The following RABGAP1L variants were observed in gnomAD, a reference collection of about 807,000 sequenced individuals.
RABGAP1L encodes rab GTPase-activating protein 1-like.
In RABGAP1L, 63 loss-of-function variants were observed where a neutral mutation model predicts 137.7. The observed-to-expected ratio is 0.46, with a 90% CI of 0.37 to 0.56. The LOEUF is 0.56. Among genes scored for constraint, RABGAP1L ranks in the 20% least tolerant of loss-of-function variants. RABGAP1L has a pLI of 0.00. For missense variants in RABGAP1L, 1,095 were observed against 1,244.0 expected (o/e 0.88, Z 1.80); for synonymous variants, 431 against 433.7 (o/e 0.99, Z 0.08).
At chr1:174,356,632 T>G (rs1683660543) in intron 11 of RABGAP1L, among the ~76,000 whole-genome samples, 1 of 152,108 alleles carries the variant, frequency 6.6e-6, no homozygotes, top group African/African-American at 2.4e-5. Flanking sequence ...TGAAATTATT[T>G]TGATTGAAGT....
intron 13 of RABGAP1L, among the ~76,000 whole-genome samples, chr1:174,572,407 C>T (rs756941439): frequency 9.3e-5 from 14 of 149,878 alleles, no homozygotes; most frequent in African/African-American, 2.9e-4. Context: ...TTTGTTTTGA[C>T]GGAGTCTTGC....
rs565709443 is a variant in RABGAP1L, at chr1:174,558,351, T to C, written c.1711-79024T>C. 2.0e-4 allele frequency among the ~76,000 whole-genome samples: 30 copies of C among 152,370 alleles called. No homozygotes were observed. In the South Asian group the frequency reaches 2.7e-3, roughly 14 times the overall value. On this transcript the variant is annotated intron_variant, in intron 13 of 25. Transcript: ENST00000681986. ...TCTTTGTGCTGTTTTATAGCTTTAC[T>C]GCCAGAGTAAGTTATAATTGCCATT...
intron 11 of RABGAP1L, among the ~76,000 whole-genome samples, chr1:174,358,074 G>A (rs1391411384): frequency 2.6e-5 from 4 of 152,068 alleles, no homozygotes; most frequent in Admixed American, 6.5e-5. Flanking sequence ...AATCTAGGCC[G>A]TTTGGCTTTG....
At chr1:174,322,826 C>T (rs1323983342) in intron 11 of RABGAP1L, among the ~76,000 whole-genome samples, 1 of 152,106 alleles carries the variant, frequency 6.6e-6, no homozygotes, top group Non-Finnish European at 1.5e-5. Context: ...AAGCTGTGCA[C>T]ATTATTTTCT....
chr1:174,780,104 A>AATT (rs1558070554), intron 18 of RABGAP1L, among the ~76,000 whole-genome samples: 8 of 75,386 alleles, frequency 1.1e-4, no homozygotes, highest in African/African-American at 2.0e-4. Flanking sequence ...ATAAATAAAT[A>AATT]AATAAATAAA....
At chr1:174,642,766 T>TCTCCCCCTCTTCCCCTCTCC (rs1557941734) in intron 14 of RABGAP1L, among the ~76,000 whole-genome samples, 2 of 115,462 alleles carry the variant, frequency 1.7e-5, no homozygotes, top group Admixed American at 9.7e-5. Context: ...TTCCCCTCTC[T>TCTCCCCCTCTTCCCCTCTCC]CCCTCTCCCC....
At chr1:174,955,078 G>T (rs762822919) in intron 19 of RABGAP1L, among the ~76,000 whole-genome samples, 3 of 152,172 alleles carry the variant, frequency 2.0e-5, no homozygotes, top group Non-Finnish European at 4.4e-5. Context: ...TACACAGTTG[G>T]CAGGTGGTGC....
chr1:174,626,522 A>C (rs75306743), intron 13 of RABGAP1L, among the ~76,000 whole-genome samples: 2 of 152,152 alleles, frequency 1.3e-5, no homozygotes, highest in East Asian at 3.9e-4. Flanking sequence ...AATATGGCTT[A>C]TATTTTTGAC....
At chr1:174,686,830 GT>G (rs551963914) in intron 15 of RABGAP1L, among the ~76,000 whole-genome samples, 7 of 148,256 alleles carry the variant, frequency 4.7e-5, no homozygotes, top group African/African-American at 1.7e-4. Context: ...GCTAATTTTA[GT>G]TTTTTTTTCA....
rs374078802 is a variant in RABGAP1L, at chr1:174,907,355, C to G, written c.2341-50102C>G. Among the ~76,000 whole-genome samples the G allele has an allele frequency of 3.9e-4, 59 of 152,224 alleles. No homozygotes were observed. In the Middle Eastern group the frequency reaches 0.01, roughly 26 times the overall value. On this transcript the variant is annotated intron_variant, in intron 19 of 25. Coordinates refer to ENST00000681986, the MANE Select transcript of RABGAP1L (RefSeq NM_001366446.1). ...TTAAGATTGGGTCTCATCTGTCACC[C>G]AGACTGGACTGCAGTGGCATGATTA...
At chr1:174,799,049 AAT>A (rs1462745697) in intron 18 of RABGAP1L, among the ~76,000 whole-genome samples, 20 of 152,338 alleles carry the variant, frequency 1.3e-4, no homozygotes, top group African/African-American at 4.8e-4. Context: ...TTATCAGAAC[AAT>A]GTTTTCAACT....
At chr1:174,548,755 T>C (rs1401089167) in intron 13 of RABGAP1L, among the ~76,000 whole-genome samples, 1 of 152,210 alleles carries the variant, frequency 6.6e-6, no homozygotes, top group Non-Finnish European at 1.5e-5. Context: ...TTTTTAAGTT[T>C]AACATTCAGT....
At chr1:174,470,105 T>C (rs1367690015) in intron 13 of RABGAP1L, among the ~76,000 whole-genome samples, 1 of 152,164 alleles carries the variant, frequency 6.6e-6, no homozygotes. Flanking sequence ...ATTTTACCAC[T>C]TGCACAGGGC....
intron 13 of RABGAP1L, among the ~76,000 whole-genome samples, chr1:174,416,664 G>A (rs146282678): frequency 6.6e-6 from 1 of 152,006 alleles, no homozygotes; most frequent in East Asian, 1.9e-4. Context: ...TGTTTGTCAT[G>A]CAAGATGAAA....
At chr1:174,600,908 C>T (rs1345825252) in intron 13 of RABGAP1L, among the ~76,000 whole-genome samples, 2 of 152,250 alleles carry the variant, frequency 1.3e-5, no homozygotes, top group Non-Finnish European at 2.9e-5. Context: ...GGGACTTTGA[C>T]TCCACATTTC....
At chr1:174,658,638 C>A (rs1386348191) in intron 14 of RABGAP1L, among the ~76,000 whole-genome samples, 1 of 152,122 alleles carries the variant, frequency 6.6e-6, no homozygotes, top group African/African-American at 2.4e-5. Context: ...TCTTGTCATA[C>A]ATTGATTCTC....
At chr1:174,908,485 G>A (rs1255794427) in intron 19 of RABGAP1L, among the ~76,000 whole-genome samples, 1 of 148,304 alleles carries the variant, frequency 6.7e-6, no homozygotes, top group Admixed American at 6.7e-5. Context: ...CTAGAAATCT[G>A]TAACATCAAA....
chr1:174,395,688 C>T (rs1647751225), intron 13 of RABGAP1L, among the ~76,000 whole-genome samples: 1 of 151,994 alleles, frequency 6.6e-6, no homozygotes, highest in Admixed American at 6.6e-5. Context: ...CTGATTTGTT[C>T]ATATGAATAT....
chr1:174,541,044 G>C (rs557476740), intron 13 of RABGAP1L, among the ~76,000 whole-genome samples: 22 of 152,120 alleles, frequency 1.4e-4, no homozygotes, highest in African/African-American at 5.3e-4. Flanking sequence ...GTATTTTATT[G>C]TCTTTGTAGC....
Sources: allele counts gnomAD v4.1 joint callset (sites outside exome capture counted in the v4.1 genomes callset), GRCh38; gene constraint gnomAD v4.1.1; transcripts MANE v1.5; gene names NCBI Gene and HGNC (gene_info 2026-07-23, HGNC 2026-07-21).